Variants in KLRG1 observed in about 807,000 individuals in gnomAD.
KLRG1 encodes the protein killer cell lectin like receptor G1.
In KLRG1, 16 loss-of-function variants were observed where a neutral mutation model predicts 21.8. The ratio of observed to expected loss-of-function variants is 0.73; its 90% CI spans 0.50 to 1.11. The LOEUF (loss-of-function observed/expected upper bound fraction) is 1.11, where lower values mean the gene tolerates loss of function less well. KLRG1 is among the 50% of genes most tolerant of loss of function. KLRG1 has a pLI of 0.00. For synonymous variants in KLRG1, 69 were observed against 75.9 expected (o/e 0.91, Z 0.47); for missense variants, 173 against 218.3 (o/e 0.79, Z 1.31).
chr12:9,077,045 A>T, the KLRG1 span: 1 of 949,958 alleles, frequency 1.1e-6, no homozygotes, highest in East Asian at 2.5e-5. Flanking sequence ...CATTTTTCCA[A>T]CGATTCCTCA....
At chr12:9,011,693 C>T (rs1947634141), downstream of KLRG1, among the ~76,000 whole-genome samples, 1 of 152,184 alleles carries the variant, frequency 6.6e-6, no homozygotes, top group Admixed American at 6.5e-5. Context: ...CTGGTTTTAA[C>T]ATCATATCAA....
At chr12:9,133,346 A>G in the KLRG1 span, among the ~76,000 whole-genome samples, 1,519 of 152,310 alleles carry the variant, frequency 1.0e-2, 26 homozygotes, top group African/African-American at 0.034. Flanking sequence ...AGAGATGGAT[A>G]TTATTTAGTC....
the KLRG1 span, chr12:9,099,441 A>C: frequency 3.1e-6 from 5 of 1,601,246 alleles, no homozygotes; most frequent in Admixed American, 6.9e-5. Context: ...CGTCCCCGGT[A>C]GGTAAAACAG....
chr12:9,032,339 A>G, the KLRG1 span, among the ~76,000 whole-genome samples: 24 of 152,342 alleles, frequency 1.6e-4, no homozygotes, highest in Admixed American at 3.3e-4. Context: ...CCAACAGCCC[A>G]TATCAGGAAA....
the KLRG1 span, among the ~76,000 whole-genome samples, chr12:9,144,018 G>T: frequency 1.3e-5 from 2 of 152,250 alleles, no homozygotes; most frequent in African/African-American, 4.8e-5. Flanking sequence ...CTGGTCCTCT[G>T]AGGATCAGGA....
At chr12:9,124,869 G>A in the KLRG1 span, among the ~76,000 whole-genome samples, 1 of 152,210 alleles carries the variant, frequency 6.6e-6, no homozygotes, top group Admixed American at 6.5e-5. Flanking sequence ...TGAAGGTTGG[G>A]ATCCCGGCAG....
the KLRG1 span, among the ~76,000 whole-genome samples, chr12:9,030,928 G>C: frequency 6.6e-6 from 1 of 152,202 alleles, no homozygotes; most frequent in Non-Finnish European, 1.5e-5. Flanking sequence ...AGGGTAACCT[G>C]TTTTCAATGT....
intron 3 of KLRG1, among the ~76,000 whole-genome samples, chr12:9,006,415 C>G (rs951380809): frequency 5.9e-5 from 9 of 152,090 alleles, no homozygotes; most frequent in African/African-American, 2.2e-4. Context: ...ATGCAAAGAC[C>G]TTAAAGCAAG....
At chr12:9,058,261 T>C in the KLRG1 span, 1 of 152,198 alleles carries the variant, frequency 6.6e-6, no homozygotes, top group Non-Finnish European at 1.5e-5. Flanking sequence ...TAGCTATCTC[T>C]CTATGTATAA....
At chr12:9,055,435 G>A in the KLRG1 span, among the ~76,000 whole-genome samples, 4 of 152,328 alleles carry the variant, frequency 2.6e-5, no homozygotes, top group Middle Eastern at 3.4e-3. Flanking sequence ...AGGTTCTGCA[G>A]TAGTGAGGCT....
intron 3 of KLRG1, among the ~76,000 whole-genome samples, chr12:9,006,000 G>T (rs1033627777): frequency 6.6e-6 from 1 of 152,232 alleles, no homozygotes; most frequent in Non-Finnish European, 1.5e-5. Flanking sequence ...TGGCCTGAGG[G>T]TTGGGGACCC....
chr12:8,986,911 G>A (rs898340694), upstream of KLRG1, among the ~76,000 whole-genome samples: 28 of 152,060 alleles, frequency 1.8e-4, no homozygotes, highest in African/African-American at 6.0e-4. Flanking sequence ...ACCTCCCCGC[G>A]TCTCTCTTGC....
intron 1 of KLRG1, among the ~76,000 whole-genome samples, chr12:8,984,322 C>T (rs1946807542): frequency 6.6e-6 from 1 of 152,198 alleles, no homozygotes; most frequent in Admixed American, 6.5e-5. Flanking sequence ...CCTGCCTCAG[C>T]CTCCTGAGCA....
At chr12:9,157,822 G>A in the KLRG1 span, 75 of 1,613,850 alleles carry the variant, frequency 4.6e-5, no homozygotes, top group East Asian at 1.1e-4. Flanking sequence ...GGAGAGGGTC[G>A]CTTCATCTTC....
the KLRG1 span, chr12:9,167,392 G>T: frequency 6.6e-6 from 1 of 152,114 alleles, no homozygotes; most frequent in African/African-American, 2.4e-5. Flanking sequence ...TTGTGTATCA[G>T]ACCCAAGACC....
At chr12:9,059,996 CTTTTTTTT>C in the KLRG1 span, among the ~76,000 whole-genome samples, 7 of 75,572 alleles carry the variant, frequency 9.3e-5, no homozygotes, top group East Asian at 1.0e-3. Flanking sequence ...GCCCTGGCAT[CTTTTTTTT>C]TTTTTTTTTT....
the KLRG1 span, among the ~76,000 whole-genome samples, chr12:9,060,665 C>T: frequency 2.0e-5 from 3 of 152,036 alleles, no homozygotes; most frequent in East Asian, 1.9e-4. Flanking sequence ...AAACAAAAAA[C>T]GCAGATGTCT....
the KLRG1 span, chr12:9,093,510 C>T: frequency 3.7e-6 from 6 of 1,613,798 alleles, no homozygotes; most frequent in African/African-American, 1.3e-5. Context: ...GAAGTACTTT[C>T]GTACGGTCTC....
the KLRG1 span, chr12:9,110,050 T>G: frequency 1.3e-6 from 2 of 1,592,082 alleles, no homozygotes; most frequent in African/African-American, 2.7e-5. Flanking sequence ...ATGAGTAAAT[T>G]AATTATAACT....
Sources: allele counts gnomAD v4.1 joint callset (sites outside exome capture counted in the v4.1 genomes callset), GRCh38; gene constraint gnomAD v4.1.1; transcripts MANE v1.5; gene names NCBI Gene and HGNC (gene_info 2026-07-23, HGNC 2026-07-21).